WWTR1: variants seen among roughly 807,000 people sequenced by gnomAD.
WWTR1 encodes WW domain-containing transcription regulator protein 1.
A neutral mutation model predicts 40.1 loss-of-function variants in WWTR1; 13 were observed. The observed-to-expected ratio is 0.32, with a 90% CI of 0.21 to 0.52. The LOEUF (loss-of-function observed/expected upper bound fraction) is 0.52. WWTR1 is among the 20% of genes least tolerant of loss of function. The pLI is 0.97. For missense variants in WWTR1, 436 were observed against 523.1 expected (o/e 0.83, Z 1.63); for synonymous variants, 230 against 210.1 (o/e 1.09, Z -0.82).
chr3:149,621,789 C>T (rs1195300427), intron 2 of WWTR1, among the ~76,000 whole-genome samples: 1 of 152,186 alleles, frequency 6.6e-6, no homozygotes, highest in Non-Finnish European at 1.5e-5. Flanking sequence ...TGTACATGGA[C>T]GATGGACCAG....
At chr3:149,558,720 A>C (rs998877705) in intron 3 of WWTR1, among the ~76,000 whole-genome samples, 2 of 152,212 alleles carry the variant, frequency 1.3e-5, no homozygotes, top group African/African-American at 4.8e-5. Flanking sequence ...GACAAATCCA[A>C]ATTTAAAAAT....
intron 2 of WWTR1, among the ~76,000 whole-genome samples, chr3:149,665,087 T>G (rs1713754420): frequency 6.6e-6 from 1 of 152,158 alleles, no homozygotes; most frequent in African/African-American, 2.4e-5. Context: ...AATAGATATT[T>G]TCCTAGAAAA....
At chr3:149,548,615 C>T (rs946289635) in intron 3 of WWTR1, among the ~76,000 whole-genome samples, 1 of 152,204 alleles carries the variant, frequency 6.6e-6, no homozygotes. Flanking sequence ...ACAGCTGGCG[C>T]CCAGTGGCTA....
intron 6 of WWTR1, among the ~76,000 whole-genome samples, chr3:149,525,449 A>T (rs1156898139): frequency 1.4e-5 from 2 of 145,194 alleles, no homozygotes; most frequent in Non-Finnish European, 3.0e-5. Flanking sequence ...AAGATGAATT[A>T]AAAAAAAAAA....
chr3:149,578,463 A>G (rs1737990017), intron 2 of WWTR1, among the ~76,000 whole-genome samples: 1 of 152,198 alleles, frequency 6.6e-6, no homozygotes, highest in African/African-American at 2.4e-5. Flanking sequence ...CTGGCCTTCC[A>G]AGGTTGGCAA....
At chr3:149,681,163 G>A (rs539166134) in intron 1 of WWTR1, among the ~76,000 whole-genome samples, 4 of 152,280 alleles carry the variant, frequency 2.6e-5, no homozygotes, top group South Asian at 2.1e-4. Context: ...CTCTAACTTC[G>A]GGTTGTCAAT....
intron 1 of WWTR1, among the ~76,000 whole-genome samples, chr3:149,671,638 A>C (rs35823049): frequency 6.6e-6 from 1 of 152,110 alleles, no homozygotes; most frequent in Admixed American, 6.6e-5. Flanking sequence ...GAAATATCCA[A>C]TTGAATCTAA....
At chr3:149,645,223 GTGC>G (rs1712437361) in intron 2 of WWTR1, among the ~76,000 whole-genome samples, 3 of 152,188 alleles carry the variant, frequency 2.0e-5, no homozygotes, top group African/African-American at 7.2e-5. Context: ...GGGACTACAG[GTGC>G]CCGCCACCAC....
intron 1 of WWTR1, among the ~76,000 whole-genome samples, chr3:149,679,274 A>AT (rs1269189751): frequency 6.6e-6 from 1 of 152,260 alleles, no homozygotes; most frequent in African/African-American, 2.4e-5. Flanking sequence ...AAGAATGGAT[A>AT]CATATGTTTG....
At chr3:149,645,397 C>T (rs1389975876) in intron 2 of WWTR1, among the ~76,000 whole-genome samples, 1 of 152,096 alleles carries the variant, frequency 6.6e-6, no homozygotes, top group Non-Finnish European at 1.5e-5. Context: ...CTCTTAAACT[C>T]CTGACCTCAA....
At chr3:149,653,115 C>T (rs1712993985) in intron 2 of WWTR1, among the ~76,000 whole-genome samples, 1 of 152,064 alleles carries the variant, frequency 6.6e-6, no homozygotes, top group Non-Finnish European at 1.5e-5. Flanking sequence ...AATCTTTTTT[C>T]TTATAAAATC....
At chr3:149,574,604 T>C (rs530503648) in intron 2 of WWTR1, among the ~76,000 whole-genome samples, 1 of 152,228 alleles carries the variant, frequency 6.6e-6, no homozygotes, top group Non-Finnish European at 1.5e-5. Flanking sequence ...GTCTAGAAAC[T>C]TCCTTGCATT....
At chr3:149,663,005 T>G (rs934941332), upstream of WWTR1, among the ~76,000 whole-genome samples, 3 of 152,172 alleles carry the variant, frequency 2.0e-5, no homozygotes, top group African/African-American at 7.2e-5. Context: ...TCTTTCCACA[T>G]GTAATCAAAC....
intron 5 of WWTR1, among the ~76,000 whole-genome samples, chr3:149,712,114 A>C (rs1715490874): frequency 6.6e-6 from 1 of 152,230 alleles, no homozygotes; most frequent in Non-Finnish European, 1.5e-5. Flanking sequence ...AAAGTGAAGA[A>C]AGGCAAAATT....
At chr3:149,697,445 C>T (rs1715031341) in intron 1 of WWTR1, among the ~76,000 whole-genome samples, 1 of 152,000 alleles carries the variant, frequency 6.6e-6, no homozygotes. Context: ...TTGAAAAGGA[C>T]ACAAATAAAT....
chr3:149,638,342 C>T (rs1274786059), intron 2 of WWTR1, among the ~76,000 whole-genome samples: 3 of 151,624 alleles, frequency 2.0e-5, no homozygotes, highest in Non-Finnish European at 4.4e-5. Flanking sequence ...TAACATATTC[C>T]AAAAAAAATC....
At chr3:149,673,374 A>T (rs1191139650) in intron 1 of WWTR1, among the ~76,000 whole-genome samples, 1 of 152,232 alleles carries the variant, frequency 6.6e-6, no homozygotes, top group Non-Finnish European at 1.5e-5. Flanking sequence ...TGAATTTTTA[A>T]TCCATGAATT....
At chr3:149,590,424 C>T (rs1318379607) in intron 2 of WWTR1, among the ~76,000 whole-genome samples, 2 of 152,032 alleles carry the variant, frequency 1.3e-5, no homozygotes, top group Non-Finnish European at 2.9e-5. Context: ...CCGAGGCAGG[C>T]GGGTCACCTG....
chr3:149,689,927 T>C (rs1714764121), intron 1 of WWTR1, among the ~76,000 whole-genome samples: 1 of 152,082 alleles, frequency 6.6e-6, no homozygotes, highest in Non-Finnish European at 1.5e-5. Flanking sequence ...ATATAGATAG[T>C]ATAATAAGAT....
Sources: allele counts gnomAD v4.1 joint callset (sites outside exome capture counted in the v4.1 genomes callset), GRCh38; gene constraint gnomAD v4.1.1; transcripts MANE v1.5; gene names NCBI Gene and HGNC (gene_info 2026-07-23, HGNC 2026-07-21).